CCDC144A: variants seen among roughly 807,000 people sequenced by gnomAD.
The protein encoded by CCDC144A is coiled-coil domain containing 144A, also known as coiled-coil domain-containing protein 144A.
Under a neutral mutation model 143.8 loss-of-function variants are expected in CCDC144A, and 41 were observed. The ratio of observed to expected loss-of-function variants is 0.29; its 90% CI spans 0.22 to 0.37. The LOEUF (loss-of-function observed/expected upper bound fraction) is 0.37. Ranked by LOEUF, CCDC144A falls within the 10% of genes least tolerant of loss-of-function variation. CCDC144A has a pLI of 1.00. For synonymous variants in CCDC144A, 242 were observed against 517.9 expected, an observed-to-expected ratio of 0.47 and a Z score of 7.23; for missense variants, 637 against 1,488.8, an observed-to-expected ratio of 0.43 and a Z score of 9.41.
At chr17:16,733,503 CAA>C (rs575145486) in intron 11 of CCDC144A, among the ~76,000 whole-genome samples, 10 of 79,752 alleles carry the variant, frequency 1.3e-4, no homozygotes, top group Admixed American at 1.4e-4. Flanking sequence ...GACTCCGTCT[CAA>C]AAAAAAAAAA....
intron 12 of CCDC144A, chr17:16,745,750 C>A: frequency 6.2e-7 from 1 of 1,613,860 alleles, no homozygotes. Flanking sequence ...AGCTGCAAGG[C>A]TGGCCGGTCC....
chr17:16,746,497 C>T (rs1914527338), intron 12 of CCDC144A: 1 of 1,613,758 alleles, frequency 6.2e-7, no homozygotes, highest in Non-Finnish European at 8.5e-7. Context: ...TGGCACTGGT[C>T]TTCTCTTCCT....
At chr17:16,713,458 T>C (rs879239701) in intron 6 of CCDC144A, among the ~76,000 whole-genome samples, 2 of 152,246 alleles carry the variant, frequency 1.3e-5, no homozygotes, top group African/African-American at 4.8e-5. Context: ...AAAATAAGAT[T>C]ATTTTCTGCA....
chr17:16,686,062 A>C (rs558647177), upstream of CCDC144A, among the ~76,000 whole-genome samples: 1 of 146,352 alleles, frequency 6.8e-6, no homozygotes, highest in Non-Finnish European at 1.5e-5. Flanking sequence ...GATTATGGGC[A>C]TGAGCCACCG....
In CCDC144A at chr17:16,690,344, T is replaced by G; in HGVS notation, c.-57T>G. ...GCTTGGCGGTCCTCCTTTCGCAGAT[T>G]GGAAACCGCGGGCTATCCTGCTGGG... On this transcript the variant is annotated 5_prime_UTR_variant, in exon 1 of 17. It adds an upstream start codon to the 5' untranslated region. Transcript: ENST00000399273. 1 of 1,368,756 alleles carries G rather than the reference T, an allele frequency of 7.3e-7. No individual in the cohort carries two copies. Among genetic ancestry groups the G allele is most frequent in the South Asian group, 1.5e-5 (1 of 65,842 alleles). 84.8% of individuals were successfully genotyped at this position (1,368,756 alleles called of 1,614,324 possible).
At chr17:16,698,589 A>G (rs2143062323) in intron 2 of CCDC144A, among the ~76,000 whole-genome samples, 1 of 152,256 alleles carries the variant, frequency 6.6e-6, no homozygotes, top group African/African-American at 2.4e-5. Flanking sequence ...CTAAGGTCAT[A>G]TGTGAGGAAA....
chr17:16,733,128 G>T (rs1356242460), intron 11 of CCDC144A, among the ~76,000 whole-genome samples: 1 of 151,592 alleles, frequency 6.6e-6, no homozygotes, highest in Admixed American at 6.6e-5. Flanking sequence ...TACTTTTGAG[G>T]AGAGTAACAG....
At chr17:16,679,097 G>T in the CCDC144A span, among the ~76,000 whole-genome samples, 2 of 145,952 alleles carry the variant, frequency 1.4e-5, no homozygotes, top group African/African-American at 5.2e-5. Context: ...GCGGGGGGGG[G>T]TCTCACTTTG....
At chr17:16,723,459 TG>T (rs1342784719) in intron 8 of CCDC144A, among the ~76,000 whole-genome samples, 1 of 152,186 alleles carries the variant, frequency 6.6e-6, no homozygotes. Context: ...TTTTTCCTAT[TG>T]TTTTTCCATT....
In CCDC144A at chr17:16,720,165, A is replaced by G. The variant is rs1362604728; in HGVS notation, c.1716-33A>G. On this transcript the variant is annotated intron_variant, in intron 6 of 16. Transcript: ENST00000399273. ...ATTCTTTGTATTTTACATCTTTGCT[A>G]TTTTTCTAAAAGGAATTGTTTTTTT... 2.7e-5 allele frequency: 40 copies of G among 1,504,862 alleles called. 1 individual carries two copies. Among genetic ancestry groups the G allele is most frequent in the Admixed American group, 7.6e-5 (3 of 39,328 alleles). 93.2% of individuals were successfully genotyped at this position (1,504,862 alleles called of 1,614,324 possible).
Position 16,734,916 on chromosome 17 carries a change from G to T in CCDC144A, c.2645G>T (p.Ser882Ile). The T allele has an allele frequency of 6.3e-7, 1 of 1,586,938 alleles. No homozygotes were observed. Among genetic ancestry groups the T allele is most frequent in the African/African-American group, 1.4e-5 (1 of 74,060 alleles). ...ETLTETILQY[S>I]GQLNNLTAEN... The stretch of plus-strand genomic sequence containing the variant: ...TTAACAGAAACAATACTCCAGTACA[G>T]TGGACAGCTGAACAATCTGACAGCT... Residue 882 changes from serine to isoleucine, a missense_variant, in exon 12 of 17, where the codon AGT becomes ATT. Physicochemically the swap from Ser to Ile is moderately radical, Grantham distance 142. Transcript: ENST00000399273.
intron 8 of CCDC144A, among the ~76,000 whole-genome samples, chr17:16,725,060 A>G (rs1183023376): frequency 8.6e-6 from 1 of 115,986 alleles, no homozygotes; most frequent in Non-Finnish European, 1.7e-5. Flanking sequence ...TGGTATTAAC[A>G]TAGCCATTTC....
At chr17:16,678,245 G>T in the CCDC144A span, among the ~76,000 whole-genome samples, 2 of 151,756 alleles carry the variant, frequency 1.3e-5, no homozygotes, top group Non-Finnish European at 2.9e-5. Context: ...CCGACTTAGG[G>T]GCCTCCTTCC....
chr17:16,691,640 C>CT (rs1400055074), intron 1 of CCDC144A, among the ~76,000 whole-genome samples: 1 of 152,096 alleles, frequency 6.6e-6, no homozygotes, highest in Non-Finnish European at 1.5e-5. Context: ...TGGTGGGCGC[C>CT]TGTAGTCCCA....
the CCDC144A span, among the ~76,000 whole-genome samples, chr17:16,679,095 G>T: frequency 1.3e-5 from 2 of 151,726 alleles, no homozygotes; most frequent in Non-Finnish European, 2.9e-5. Context: ...TGGCGGGGGG[G>T]GGTCTCACTT....
At chr17:16,667,374 CTGA>C in the CCDC144A span, among the ~76,000 whole-genome samples, 1 of 149,294 alleles carries the variant, frequency 6.7e-6, no homozygotes, top group African/African-American at 2.5e-5. Context: ...GGCTGAGGGG[CTGA>C]GGCTGGTGAG....
Position 16,777,181 on chromosome 17 carries a change from C to T in CCDC144A, c.*3548C>T, listed in dbSNP as rs1916028792. 7.4e-6 allele frequency: 1 copy of T among 135,790 alleles called. No individual in the cohort carries two copies. The highest frequency in any genetic ancestry group is 2.6e-4 in the South Asian group (1 of 3,876). The allele number at this position is 135,790 out of a possible 1,614,324, so 8.4% of individuals were successfully genotyped here. A position where few individuals can be genotyped will look rare whatever the true frequency, so the allele number is the denominator to read the frequency against. ...AATATCACAGTCCTAAATATATATG[C>T]ACCTAATACTGGAGATCCCAAATTT... On this transcript the variant is annotated 3_prime_UTR_variant, in exon 17 of 17. Transcript: ENST00000399273.
At chr17:16,765,082 G>C (rs1915538510) in intron 15 of CCDC144A, 1 of 92,946 alleles carries the variant, frequency 1.1e-5, no homozygotes, top group Non-Finnish European at 2.0e-5. Context: ...CTCAGAGTAA[G>C]AGTCTATTTC....
At chr17:16,685,183 C>T (rs1414963159), upstream of CCDC144A, among the ~76,000 whole-genome samples, 1 of 152,100 alleles carries the variant, frequency 6.6e-6, no homozygotes, top group Non-Finnish European at 1.5e-5. Flanking sequence ...TATGCCACCA[C>T]ACCTGGCTGG....
Sources: allele counts gnomAD v4.1 joint callset (sites outside exome capture counted in the v4.1 genomes callset), GRCh38; gene constraint gnomAD v4.1.1; transcripts MANE v1.5; gene names NCBI Gene and HGNC (gene_info 2026-07-23, HGNC 2026-07-21).